Variants in PACRG observed in about 807,000 individuals in gnomAD.
The protein encoded by PACRG is parkin coregulated gene protein.
In PACRG, 29 loss-of-function variants were observed where a neutral mutation model predicts 29.7. The ratio of observed to expected loss-of-function variants is 0.98; its 90% confidence interval spans 0.73 to 1.33. The LOEUF (loss-of-function observed/expected upper bound fraction) is 1.33, where lower values mean the gene tolerates loss of function less well. Among genes scored for constraint, PACRG ranks in the 40% most tolerant of loss-of-function variants. The pLI is 0.00. For missense variants in PACRG, 279 were observed against 316.2 expected, an observed-to-expected ratio of 0.88 and a Z score of 0.89; for synonymous variants, 116 against 118.7, an observed-to-expected ratio of 0.98 and a Z score of 0.15.
intron 4 of PACRG, among the ~76,000 whole-genome samples, chr6:163,125,496 C>A (rs1464667355): frequency 1.3e-5 from 2 of 152,160 alleles, no homozygotes; most frequent in Non-Finnish European, 1.5e-5. Flanking sequence ...AATCTCAACA[C>A]ATGCAACAGT....
chr6:163,112,348 C>T (rs2128320064), intron 4 of PACRG, among the ~76,000 whole-genome samples: 1 of 152,328 alleles, frequency 6.6e-6, no homozygotes, highest in South Asian at 2.1e-4. Context: ...AGCTTGCACA[C>T]AGCTTGTGGG....
At chr6:163,172,859 C>G (rs535588692) in intron 4 of PACRG, among the ~76,000 whole-genome samples, 1 of 152,236 alleles carries the variant, frequency 6.6e-6, no homozygotes, top group South Asian at 2.1e-4. Context: ...TAGAAAGAGG[C>G]TTGAATGCCT....
chr6:163,250,227 C>T (rs1000344465), intron 4 of PACRG, among the ~76,000 whole-genome samples: 1 of 152,170 alleles, frequency 6.6e-6, no homozygotes, highest in Non-Finnish European at 1.5e-5. Context: ...AATGGCGCCA[C>T]CAAAATGTGC....
chr6:163,310,461 C>T (rs926231418), intron 4 of PACRG: 2 of 152,194 alleles, frequency 1.3e-5, no homozygotes, highest in Admixed American at 1.3e-4. Context: ...TCGCATTGCC[C>T]TATAGCGCGG....
intron 4 of PACRG, among the ~76,000 whole-genome samples, chr6:163,108,335 G>T (rs533034746): frequency 2.9e-4 from 44 of 149,428 alleles, no homozygotes; most frequent in African/African-American, 1.0e-3. Context: ...GGCCTCCCCA[G>T]CCATGCTTCC....
chr6:163,295,259 A>G (rs1369681531), intron 4 of PACRG, among the ~76,000 whole-genome samples: 1 of 152,248 alleles, frequency 6.6e-6, no homozygotes. Flanking sequence ...TACAAAAGAA[A>G]AAATGACACG....
chr6:163,280,401 G>A (rs1784189026), intron 4 of PACRG, among the ~76,000 whole-genome samples: 1 of 148,798 alleles, frequency 6.7e-6, no homozygotes, highest in Non-Finnish European at 1.5e-5. Context: ...GAGCTGGTAG[G>A]GGTTATACTG....
intron 2 of PACRG, among the ~76,000 whole-genome samples, chr6:162,875,877 G>T (rs1265785414): frequency 2.0e-5 from 3 of 152,118 alleles, no homozygotes; most frequent in African/African-American, 7.2e-5. Context: ...ATTCAGTCTT[G>T]GAAATAATTT....
intron 4 of PACRG, chr6:163,189,980 A>G (rs931449280): frequency 6.6e-6 from 1 of 152,232 alleles, no homozygotes; most frequent in Non-Finnish European, 1.5e-5. Flanking sequence ...AGTAACATTC[A>G]TTTATATGAA....
chr6:163,027,674 A>G (rs1005913354), intron 2 of PACRG, among the ~76,000 whole-genome samples: 1 of 152,156 alleles, frequency 6.6e-6, no homozygotes, highest in African/African-American at 2.4e-5. Flanking sequence ...TAACCCCAGA[A>G]GACATCACGT....
At chr6:162,981,253 A>T (rs1008311624) in intron 2 of PACRG, among the ~76,000 whole-genome samples, 1 of 149,950 alleles carries the variant, frequency 6.7e-6, no homozygotes, top group African/African-American at 2.5e-5. Flanking sequence ...TCCATGGTGT[A>T]TATCTATAAT....
At chr6:162,727,733 G>A (rs112155221), upstream of PACRG, 114 of 1,512,310 alleles carry the variant, frequency 7.5e-5, no homozygotes, top group Middle Eastern at 8.5e-4. Flanking sequence ...CGCCAGCCGC[G>A]CCTCCCACCA....
At chr6:163,135,090 TATA>T (rs768729984) in intron 4 of PACRG, among the ~76,000 whole-genome samples, 2 of 152,224 alleles carry the variant, frequency 1.3e-5, no homozygotes, top group Non-Finnish European at 2.9e-5. Flanking sequence ...TAAAGAACAG[TATA>T]ATAATACTGT....
intron 2 of PACRG, among the ~76,000 whole-genome samples, chr6:163,045,257 C>T (rs1809215908): frequency 6.6e-6 from 1 of 152,098 alleles, no homozygotes; most frequent in African/African-American, 2.4e-5. Context: ...CCCCTCTGGG[C>T]TTCTGCCTTC....
rs1332034958 is a variant in PACRG, at chr6:162,777,746, G to A, written c.157-36401G>A. On this transcript the variant is annotated intron_variant, in intron 1 of 4. Transcript: ENST00000366888. The surrounding 1 kb of genome is among the most constrained non-coding windows in gnomAD (Gnocchi z 4.0). ...ATTAACATATTCTGGAGCATCTTAAGGAAGACAGCCTTATAACTGAATCCT... is the reference window on the plus strand; with the variant it reads ...ATTAACATATTCTGGAGCATCTTAAAGAAGACAGCCTTATAACTGAATCCT... Among the ~76,000 whole-genome samples, 1 of 152,086 alleles carries A rather than the reference G, an allele frequency of 6.6e-6. No homozygotes were observed. Among genetic ancestry groups the A allele is most frequent in the African/African-American group, 2.4e-5 (1 of 41,416 alleles).
intron 1 of PACRG, 124 bp downstream of exon 1, chr6:162,728,515 G>A: frequency 1.7e-6 from 2 of 1,211,880 alleles, no homozygotes; most frequent in Non-Finnish European, 2.3e-6. Context: ...AAAAAAGGCA[G>A]TTACTTGGCA....
intron 1 of PACRG, among the ~76,000 whole-genome samples, chr6:162,804,534 A>G (rs1198055188): frequency 4.6e-5 from 7 of 152,146 alleles, no homozygotes. Context: ...TGATACCAGT[A>G]ATGTTCATAA....
intron 4 of PACRG, among the ~76,000 whole-genome samples, chr6:163,106,182 G>A (rs1273897907): frequency 6.6e-6 from 1 of 152,126 alleles, no homozygotes; most frequent in African/African-American, 2.4e-5. Context: ...CAATCAGTTA[G>A]TAAAAGGGAA....
At chr6:162,844,112 G>T (rs1389079498) in intron 2 of PACRG, among the ~76,000 whole-genome samples, 15 of 142,590 alleles carry the variant, frequency 1.1e-4, no homozygotes, top group Admixed American at 1.1e-3. Context: ...TCCTTGAGCT[G>T]TGGTGGGCTC....
Sources: gnomAD v4.1 joint callset for allele counts (sites outside exome capture counted in the v4.1 genomes callset) on GRCh38, gnomAD v4.1.1 for gene constraint, Gnocchi (gnomAD v3.1) non-coding constraint, MANE v1.5 for transcripts, NCBI Gene and HGNC (gene_info 2026-07-23, HGNC 2026-07-21) for gene names.